Variants in DDR2 observed in about 807,000 individuals in gnomAD.
The protein encoded by DDR2 is discoidin domain receptor tyrosine kinase 2, also known as discoidin domain-containing receptor 2.
In DDR2, 27 loss-of-function variants were observed where a neutral mutation model predicts 94.9. The ratio of observed to expected loss-of-function variants is 0.28; its 90% CI spans 0.21 to 0.39. The LOEUF is 0.39. Ranked by LOEUF, DDR2 falls within the 10% of genes least tolerant of loss-of-function variation. The pLI is 1.00. For missense variants in DDR2, 783 were observed against 1,076.0 expected, an observed-to-expected ratio of 0.73 and a Z score of 3.81; for synonymous variants, 382 against 377.2, an observed-to-expected ratio of 1.01 and a Z score of -0.15.
At chr1:162,655,705 C>T (rs901776218) in intron 2 of DDR2, among the ~76,000 whole-genome samples, 1 of 152,160 alleles carries the variant, frequency 6.6e-6, no homozygotes, top group Non-Finnish European at 1.5e-5. Flanking sequence ...CTTCTCTGCC[C>T]TTACAGGACC....
At chr1:162,666,506 G>T (rs1658575386) in intron 2 of DDR2, among the ~76,000 whole-genome samples, 1 of 152,114 alleles carries the variant, frequency 6.6e-6, no homozygotes, top group Non-Finnish European at 1.5e-5. Flanking sequence ...TGACTTACTA[G>T]TTATGTAATC....
At chr1:162,728,208 TTA>T (rs1208497560) in intron 3 of DDR2, among the ~76,000 whole-genome samples, 10 of 144,184 alleles carry the variant, frequency 6.9e-5, no homozygotes, top group South Asian at 2.1e-4. Flanking sequence ...AGATATATCT[TTA>T]TATATATATA....
At chr1:162,754,592 G>T (rs777017140) in intron 4 of DDR2, 32 bp from the exon 5 acceptor site, 3 of 1,607,648 alleles carry the variant, frequency 1.9e-6, no homozygotes, top group Middle Eastern at 1.7e-4. Flanking sequence ...TTTCATGGTT[G>T]CTCCCTCTCT....
chr1:162,742,564 T>A (rs1662664419), intron 3 of DDR2, among the ~76,000 whole-genome samples: 1 of 152,248 alleles, frequency 6.6e-6, no homozygotes, highest in Admixed American at 6.5e-5. Context: ...GCCCAAGCCA[T>A]TCATGAGAGA....
intron 2 of DDR2, among the ~76,000 whole-genome samples, chr1:162,682,953 G>A (rs2101960768): frequency 6.6e-6 from 1 of 152,194 alleles, no homozygotes; most frequent in African/African-American, 2.4e-5. Flanking sequence ...TTGAATGAAA[G>A]CAGGAGTAGC....
intron 2 of DDR2, among the ~76,000 whole-genome samples, chr1:162,688,934 GT>G (rs1346374832): frequency 6.6e-6 from 1 of 152,190 alleles, no homozygotes; most frequent in East Asian, 1.9e-4. Context: ...CTGGTGCTCT[GT>G]TTTCACTGAT....
intron 3 of DDR2, among the ~76,000 whole-genome samples, chr1:162,742,269 TG>T: frequency 6.6e-6 from 1 of 152,366 alleles, no homozygotes; most frequent in South Asian, 2.1e-4. Context: ...GTTCTTGCAT[TG>T]TTATAAATAC....
chr1:162,750,149 C>T (rs916793779), intron 3 of DDR2, among the ~76,000 whole-genome samples: 6 of 152,196 alleles, frequency 3.9e-5, no homozygotes, highest in Non-Finnish European at 8.8e-5. Context: ...CCAGGGCAAT[C>T]AGGCAGGAGA....
At chr1:162,778,473 C>T in intron 16 of DDR2, 107 bp from the exon 17 acceptor site, 1 of 1,381,100 alleles carries the variant, frequency 7.2e-7, no homozygotes, top group Admixed American at 1.7e-5. Flanking sequence ...TTTCAGAATT[C>T]CTTGCCTGTG....
intron 2 of DDR2, among the ~76,000 whole-genome samples, chr1:162,707,848 A>G (rs1209507642): frequency 1.3e-5 from 2 of 152,196 alleles, no homozygotes; most frequent in Non-Finnish European, 2.9e-5. Context: ...TAAGTTCTTT[A>G]TATGCATTAT....
chr1:162,651,501 CT>C (rs1657690274), intron 1 of DDR2, among the ~76,000 whole-genome samples: 1 of 152,176 alleles, frequency 6.6e-6, no homozygotes, highest in Non-Finnish European at 1.5e-5. Context: ...ATTTCTCCTT[CT>C]TTTAGCACCT....
intron 2 of DDR2, among the ~76,000 whole-genome samples, chr1:162,686,808 C>A (rs1659711617): frequency 6.6e-6 from 1 of 152,162 alleles, no homozygotes; most frequent in African/African-American, 2.4e-5. Context: ...GAACTCCTAA[C>A]CTCAGGTTAT....
intron 2 of DDR2, among the ~76,000 whole-genome samples, chr1:162,704,651 G>A (rs1417599326): frequency 1.3e-5 from 2 of 152,190 alleles, no homozygotes; most frequent in African/African-American, 4.8e-5. Flanking sequence ...GAAGCAGTGA[G>A]GCATCTCTGC....
chr1:162,766,582 G>A (rs1357678619), intron 10 of DDR2, among the ~76,000 whole-genome samples: 1 of 152,146 alleles, frequency 6.6e-6, no homozygotes, highest in Non-Finnish European at 1.5e-5. Context: ...TTCCTCACCT[G>A]TTTTTCATGA....
intron 2 of DDR2, among the ~76,000 whole-genome samples, chr1:162,689,115 C>T (rs963459928): frequency 7.9e-5 from 12 of 152,170 alleles, no homozygotes; most frequent in African/African-American, 1.7e-4. Context: ...GCTAGTGTCA[C>T]GCTGCACTGT....
intron 2 of DDR2, among the ~76,000 whole-genome samples, chr1:162,703,195 T>C (rs2101999082): frequency 6.6e-6 from 1 of 152,336 alleles, no homozygotes; most frequent in South Asian, 2.1e-4. Context: ...ATACAGAACG[T>C]ATAGCCTAGT....
chr1:162,642,408 G>T (rs1657182706), intron 1 of DDR2, among the ~76,000 whole-genome samples: 1 of 151,380 alleles, frequency 6.6e-6, no homozygotes, highest in East Asian at 1.9e-4. Context: ...GAGTAGCTGG[G>T]ATTACAGGCA....
chr1:162,691,556 G>T (rs1460723305), intron 2 of DDR2, among the ~76,000 whole-genome samples: 1 of 152,222 alleles, frequency 6.6e-6, no homozygotes, highest in Non-Finnish European at 1.5e-5. Flanking sequence ...CGCTGTGCTT[G>T]GTGACAGCAA....
rs2102217985 is a variant in DDR2 at position 162,783,772 on chromosome 1, T to C, written c.*3526T>C. 1.3e-5 allele frequency: 2 copies of C among 152,258 alleles called. No homozygotes were observed. Among genetic ancestry groups the C allele is most frequent in the East Asian group, 1.9e-4 (1 of 5,186 alleles). 9.4% of individuals were successfully genotyped at this position (152,258 alleles called of 1,614,324 possible). A position where few individuals can be genotyped will look rare whatever the true frequency, so the allele number is the denominator to read the frequency against. On this transcript the variant is annotated 3_prime_UTR_variant, in exon 18 of 18. Coordinates refer to ENST00000367921, the MANE Select transcript of DDR2 (RefSeq NM_006182.4). ...CCTCTTGGAAAAGATATAGCAACCA[T>C]CGGGGAATGACCTTTTCATTTCAGA...
Sources: gnomAD v4.1 joint callset for allele counts (sites outside exome capture counted in the v4.1 genomes callset) on GRCh38, gnomAD v4.1.1 for gene constraint, MANE v1.5 for transcripts, NCBI Gene and HGNC (gene_info 2026-07-23, HGNC 2026-07-21) for gene names.